The following BNC2 variants were observed in gnomAD, a reference collection of about 807,000 sequenced individuals.
BNC2 encodes the protein basonuclin zinc finger protein 2.
In BNC2, 20 loss-of-function variants were observed where a neutral mutation model predicts 76.3. The observed-to-expected ratio is 0.26, with a 90% confidence interval of 0.18 to 0.38. The LOEUF is 0.38. BNC2 is among the 10% of genes least tolerant of loss of function. BNC2 has a pLI of 1.00. For missense variants in BNC2, 1,382 were observed against 1,399.8 expected, an observed-to-expected ratio of 0.99 and a Z score of 0.20; for synonymous variants, 582 against 514.8, an observed-to-expected ratio of 1.13 and a Z score of -1.77.
chr9:16,651,860 C>T (rs1257177196), intron 3 of BNC2, among the ~76,000 whole-genome samples: 3 of 151,990 alleles, frequency 2.0e-5, no homozygotes, highest in African/African-American at 7.3e-5. Flanking sequence ...ATAACATATA[C>T]GGAGAAGAGA....
At chr9:16,746,888 G>C (rs1028669083) in intron 1 of BNC2, among the ~76,000 whole-genome samples, 1 of 151,538 alleles carries the variant, frequency 6.6e-6, no homozygotes, top group African/African-American at 2.4e-5. Context: ...AGTAAACTCT[G>C]GAGGCAGAGC....
At chr9:16,789,700 A>T (rs545545434) in intron 1 of BNC2, among the ~76,000 whole-genome samples, 2 of 152,320 alleles carry the variant, frequency 1.3e-5, no homozygotes, top group East Asian at 3.9e-4. Flanking sequence ...AATGTATTAT[A>T]CATGTTATAG....
At chr9:16,588,316 C>T (rs1462665531) in intron 3 of BNC2, among the ~76,000 whole-genome samples, 2 of 152,196 alleles carry the variant, frequency 1.3e-5, no homozygotes, top group African/African-American at 4.8e-5. Flanking sequence ...TTTACTCCAA[C>T]ACCTTGCAAA....
chr9:16,678,390 T>C (rs941989902), intron 3 of BNC2, among the ~76,000 whole-genome samples: 1 of 140,018 alleles, frequency 7.1e-6, no homozygotes. Flanking sequence ...TGCCTCAGCC[T>C]CCAAATAGCT....
At chr9:16,830,021 T>C (rs1038666271) in intron 1 of BNC2, among the ~76,000 whole-genome samples, 1 of 152,222 alleles carries the variant, frequency 6.6e-6, no homozygotes, top group African/African-American at 2.4e-5. Context: ...ATAAAAATAT[T>C]CACTACATTT....
At chr9:16,670,118 C>A (rs1039601763) in intron 3 of BNC2, among the ~76,000 whole-genome samples, 1 of 152,100 alleles carries the variant, frequency 6.6e-6, no homozygotes, top group East Asian at 1.9e-4. Flanking sequence ...TTTCCTTACA[C>A]TCTTCTCTAA....
chr9:16,621,900 T>C (rs189456540), intron 3 of BNC2, among the ~76,000 whole-genome samples: 16 of 152,316 alleles, frequency 1.1e-4, no homozygotes, highest in African/African-American at 3.8e-4. Flanking sequence ...ATATACTGGG[T>C]CAAATGAAAT....
chr9:16,726,245 G>A (rs1025421653), intron 3 of BNC2, among the ~76,000 whole-genome samples: 1 of 152,166 alleles, frequency 6.6e-6, no homozygotes, highest in African/African-American at 2.4e-5. Context: ...TGCACATGAA[G>A]AGTTACTTAT....
In BNC2 at chr9:16,416,287, G is replaced by T. The variant is rs1292619756; in HGVS notation, c.*2702C>A. On this transcript the variant is annotated 3_prime_UTR_variant, in exon 7 of 7. Transcript: ENST00000380672. ...CATGTAGTCTATGCACACTGCAAAA[G>T]CCAGAGTTTCTATAATGTTTTGTTG... is the stretch of plus-strand genomic sequence containing the variant. 1 of 152,572 alleles carries T rather than the reference G, an allele frequency of 6.6e-6. No individual in the cohort carries two copies. Among genetic ancestry groups the T allele is most frequent in the African/African-American group, 2.4e-5 (1 of 41,438 alleles). 9.5% of individuals were successfully genotyped at this position (152,572 alleles called of 1,614,324 possible). A position where few individuals can be genotyped will look rare whatever the true frequency, so the allele number is the denominator to read the frequency against.
intron 4 of BNC2, chr9:16,579,995 G>A (rs1054302768): frequency 7.5e-6 from 3 of 397,546 alleles, no homozygotes; most frequent in East Asian, 7.1e-5. Flanking sequence ...TTTTGTTGCT[G>A]TTCCATGCAT....
At chr9:16,546,048 C>T (rs1368240836) in intron 5 of BNC2, among the ~76,000 whole-genome samples, 2 of 152,178 alleles carry the variant, frequency 1.3e-5, no homozygotes, top group East Asian at 3.8e-4. Context: ...GCCTAAAATG[C>T]ATTCCCTATT....
intron 5 of BNC2, among the ~76,000 whole-genome samples, chr9:16,458,790 C>A (rs1821510773): frequency 6.6e-6 from 1 of 152,170 alleles, no homozygotes; most frequent in Non-Finnish European, 1.5e-5. Context: ...GTGCCGGGCA[C>A]CAAGGGAACA....
intron 6 of BNC2, chr9:16,431,550 C>G: frequency 6.8e-6 from 3 of 440,048 alleles, no homozygotes; most frequent in South Asian, 4.9e-5. Flanking sequence ...CTTAACAGAA[C>G]AGCACCTCAG....
intron 3 of BNC2, among the ~76,000 whole-genome samples, chr9:16,667,911 A>T (rs946905070): frequency 6.6e-6 from 1 of 152,148 alleles, no homozygotes; most frequent in Non-Finnish European, 1.5e-5. Context: ...CAAGAACTCA[A>T]CTAAAACTCC....
intron 1 of BNC2, among the ~76,000 whole-genome samples, chr9:16,814,962 T>G (rs1475537118): frequency 6.6e-6 from 1 of 152,024 alleles, no homozygotes; most frequent in African/African-American, 2.4e-5. Context: ...TATCTCTAAC[T>G]TGCCACCCCC....
intron 3 of BNC2, among the ~76,000 whole-genome samples, chr9:16,598,313 T>A (rs1820150793): frequency 6.6e-6 from 1 of 152,164 alleles, no homozygotes; most frequent in African/African-American, 2.4e-5. Flanking sequence ...ATTATGTGAA[T>A]TAAAAAATAA....
At position 16,855,239 on chromosome 9, in the gene BNC2, C is replaced by T. The variant is rs188564539; in HGVS notation, c.3+15407G>A. Among the ~76,000 whole-genome samples, 325 of 152,042 alleles carry T rather than the reference C, an allele frequency of 2.1e-3. 1 individual carries two copies. The highest frequency in any genetic ancestry group is 7.2e-3 in the African/African-American group (299 of 41,458). ...ATGGTATGTTAACAAAATTAGGTTC[C>T]TAAGGCTTCATATGCCAGAGGAAGA... is the stretch of plus-strand genomic sequence containing the variant. On this transcript the variant is annotated intron_variant, in intron 1 of 6. Coordinates refer to ENST00000380672, the MANE Select transcript of BNC2 (RefSeq NM_017637.6).
chr9:16,766,120 C>A (rs7850168), intron 1 of BNC2, among the ~76,000 whole-genome samples: 139,706 of 152,230 alleles, frequency 0.92, 64,133 homozygotes, highest in East Asian at 0.99. Flanking sequence ...TGTTAGGTCT[C>A]CATATTAGCA....
chr9:16,793,991 C>T (rs1401495861), intron 1 of BNC2, among the ~76,000 whole-genome samples: 3 of 151,624 alleles, frequency 2.0e-5, no homozygotes, highest in East Asian at 1.9e-4. Context: ...CGTGAGCCAC[C>T]GCGCCGGGCC....
Sources: gnomAD v4.1 joint callset for allele counts (sites outside exome capture counted in the v4.1 genomes callset) on GRCh38, gnomAD v4.1.1 for gene constraint, MANE v1.5 for transcripts, NCBI Gene and HGNC (gene_info 2026-07-23, HGNC 2026-07-21) for gene names.